The following NRXN3 variants were observed in gnomAD, a reference collection of about 807,000 sequenced individuals.
NRXN3 encodes neurexin 3.
A neutral mutation model predicts 137.6 loss-of-function variants in NRXN3; 32 were observed. That is an observed-to-expected ratio of 0.23 (90% confidence interval 0.18 to 0.31). The LOEUF is 0.31. Ranked by LOEUF, NRXN3 falls within the 10% of genes least tolerant of loss-of-function variation. The pLI is 1.00. For missense variants in NRXN3, 1,574 were observed against 2,062.5 expected (o/e 0.76, Z 4.59); for synonymous variants, 798 against 784.5 (o/e 1.02, Z -0.29).
At chr14:78,923,908 A>G (rs925902903) in intron 10 of NRXN3, among the ~76,000 whole-genome samples, 1 of 152,188 alleles carries the variant, frequency 6.6e-6, no homozygotes, top group Non-Finnish European at 1.5e-5. Flanking sequence ...TAATTGTCCT[A>G]TATTTCTGTA....
At chr14:78,614,647 A>G (rs1018407396) in intron 4 of NRXN3, among the ~76,000 whole-genome samples, 12 of 152,150 alleles carry the variant, frequency 7.9e-5, no homozygotes, top group Non-Finnish European at 1.8e-4. Flanking sequence ...TTTGCTATAT[A>G]TACACATACA....
intron 2 of NRXN3, among the ~76,000 whole-genome samples, chr14:78,278,266 A>G (rs1254002084): frequency 1.3e-5 from 2 of 152,080 alleles, no homozygotes; most frequent in Non-Finnish European, 2.9e-5. Context: ...GACGGGGAGG[A>G]GGAGGATTTG....
chr14:79,762,574 CTTA>C (rs1223324010), intron 19 of NRXN3, among the ~76,000 whole-genome samples: 1 of 151,320 alleles, frequency 6.6e-6, no homozygotes, highest in East Asian at 1.9e-4. Flanking sequence ...ATGTCCATCG[CTTA>C]TTAACTCCAT....
intron 8 of NRXN3, among the ~76,000 whole-genome samples, chr14:78,720,280 T>C (rs955504636): frequency 6.6e-6 from 1 of 152,194 alleles, no homozygotes; most frequent in African/African-American, 2.4e-5. Context: ...ACTTGACATC[T>C]CCATTTGGAT....
rs2096843303 is a variant in NRXN3, at chr14:79,503,342, AT to A, written c.3444+35943del. 2.0e-5 allele frequency among the ~76,000 whole-genome samples: 3 copies of A among 152,256 alleles called. No homozygotes were observed. In the South Asian group the frequency reaches 6.2e-4, roughly 32 times the overall value. On this transcript the variant is annotated intron_variant, in intron 16 of 20. Transcript: ENST00000335750. ...ACCTCACTGACACAGCATAAATAGA[AT>A]TTACAGATCTTCTTGAAGCAAATCC...
chr14:78,673,445 G>C (rs927581657), intron 6 of NRXN3, among the ~76,000 whole-genome samples: 4 of 152,212 alleles, frequency 2.6e-5, no homozygotes, highest in African/African-American at 9.6e-5. Flanking sequence ...GCACTTGGAG[G>C]TTATAGGAGT....
intron 15 of NRXN3, among the ~76,000 whole-genome samples, chr14:79,355,454 T>G (rs1381535591): frequency 1.3e-5 from 2 of 152,190 alleles, no homozygotes; most frequent in Admixed American, 1.3e-4. Context: ...CGGCTCCGCA[T>G]TTTGTGTTTA....
intron 16 of NRXN3, among the ~76,000 whole-genome samples, chr14:79,490,181 A>C (rs1470138582): frequency 2.0e-5 from 3 of 152,178 alleles, no homozygotes; most frequent in African/African-American, 7.2e-5. Flanking sequence ...TGGTGATAAC[A>C]TGGAGAAAAG....
intron 15 of NRXN3, among the ~76,000 whole-genome samples, chr14:79,364,170 G>A (rs999560565): frequency 2.0e-5 from 3 of 152,014 alleles, no homozygotes; most frequent in Admixed American, 1.3e-4. Flanking sequence ...TTTCTCCCCA[G>A]TTCTTCTTTT....
intron 15 of NRXN3, among the ~76,000 whole-genome samples, chr14:79,191,259 T>C (rs932656881): frequency 6.6e-6 from 1 of 152,054 alleles, no homozygotes; most frequent in African/African-American, 2.4e-5. Context: ...TCAAACAAAC[T>C]ATGGAAGCAG....
At chr14:79,401,045 C>T (rs1434073167) in intron 15 of NRXN3, among the ~76,000 whole-genome samples, 1 of 152,208 alleles carries the variant, frequency 6.6e-6, no homozygotes, top group Non-Finnish European at 1.5e-5. Flanking sequence ...TGCAGGAACA[C>T]ACAGGCAGAG....
intron 4 of NRXN3, among the ~76,000 whole-genome samples, chr14:78,347,348 T>C (rs1014453177): frequency 3.3e-5 from 5 of 152,236 alleles, no homozygotes; most frequent in African/African-American, 1.2e-4. Context: ...TCTGTTTTTC[T>C]TCTTTTGATA....
chr14:79,622,757 C>A (rs2098238444), intron 16 of NRXN3, among the ~76,000 whole-genome samples: 1 of 151,960 alleles, frequency 6.6e-6, no homozygotes, highest in African/African-American at 2.4e-5. Context: ...ACACCACGCC[C>A]GGCTAACTTT....
At chr14:78,654,625 G>A (rs573432996) in intron 6 of NRXN3, among the ~76,000 whole-genome samples, 25 of 152,280 alleles carry the variant, frequency 1.6e-4, no homozygotes, top group Non-Finnish European at 2.2e-4. Flanking sequence ...CCACATTGTC[G>A]TCAAACTATG....
intron 4 of NRXN3, among the ~76,000 whole-genome samples, chr14:78,605,956 T>C: frequency 6.6e-6 from 1 of 152,166 alleles, no homozygotes; most frequent in African/African-American, 2.4e-5. Context: ...TACATGTTTT[T>C]AATTCCTTAG....
At position 79,562,521 on chromosome 14, in the gene NRXN3, G is replaced by T. The variant is rs144033141; in HGVS notation, c.3444+95119G>T. Among the ~76,000 whole-genome samples the T allele has an allele frequency of 1.1e-3, 173 of 152,178 alleles. 4 individuals carry two copies. Among genetic ancestry groups the T allele is most frequent in the Non-Finnish European group, 3.2e-4 (22 of 68,032 alleles). On this transcript the variant is annotated intron_variant, in intron 16 of 20. Coordinates refer to ENST00000335750, the MANE Select transcript of NRXN3 (RefSeq NM_001330195.2). ...GCCTGGTATGCAAATCAGCCAGTGT[G>T]TCAACAAAAATGCTGGCATCAGATA... is the stretch of plus-strand genomic sequence containing the variant.
At chr14:78,517,255 T>C (rs1298421871) in intron 4 of NRXN3, among the ~76,000 whole-genome samples, 1 of 152,118 alleles carries the variant, frequency 6.6e-6, no homozygotes, top group Non-Finnish European at 1.5e-5. Context: ...AAAAGGATGA[T>C]TGAGCTATTT....
At chr14:78,253,308 T>G (rs1422473407) in intron 2 of NRXN3, among the ~76,000 whole-genome samples, 2 of 152,166 alleles carry the variant, frequency 1.3e-5, no homozygotes, top group Non-Finnish European at 2.9e-5. Context: ...GCTAAGACAT[T>G]TATTATAATG....
intron 8 of NRXN3, among the ~76,000 whole-genome samples, chr14:78,766,165 G>T (rs1467976299): frequency 1.3e-5 from 2 of 152,134 alleles, no homozygotes. Context: ...ATCATGGATG[G>T]TCCTTTGTAG....
Sources: gnomAD v4.1 joint callset for allele counts (sites outside exome capture counted in the v4.1 genomes callset) on GRCh38, gnomAD v4.1.1 for gene constraint, MANE v1.5 for transcripts, NCBI Gene and HGNC (gene_info 2026-07-23, HGNC 2026-07-21) for gene names.